The following SGF29 variants were observed in gnomAD, a reference collection of about 807,000 sequenced individuals.
The protein encoded by SGF29 is SAGA complex associated factor 29, also known as SAGA-associated factor 29.
SGF29 carries 15 observed loss-of-function variants against 38.1 expected under a neutral mutation model. The observed-to-expected ratio is 0.39, with a 90% CI of 0.26 to 0.61. The LOEUF (loss-of-function observed/expected upper bound fraction) is 0.61. SGF29 is among the 20% of genes least tolerant of loss of function. The pLI is 0.49. For missense variants in SGF29, 184 were observed against 394.6 expected, an observed-to-expected ratio of 0.47 and a Z score of 4.52; for synonymous variants, 151 against 160.8, an observed-to-expected ratio of 0.94 and a Z score of 0.46.
At chr16:28,556,227 T>G (rs751053828) in intron 1 of SGF29, among the ~76,000 whole-genome samples, 1 of 152,214 alleles carries the variant, frequency 6.6e-6, no homozygotes, top group Non-Finnish European at 1.5e-5. Flanking sequence ...CGGAGTATAG[T>G]GGTGCAATGT....
intron 1 of SGF29, among the ~76,000 whole-genome samples, chr16:28,558,272 AT>A (rs1186161802): frequency 0.011 from 1,504 of 135,450 alleles, 4 homozygotes; most frequent in South Asian, 0.016. Flanking sequence ...TGCCCAGCTA[AT>A]TTTTTTTTTT....
chr16:28,564,782 TATATAC>T (rs1281333159), intron 1 of SGF29, among the ~76,000 whole-genome samples: 146 of 116,462 alleles, frequency 1.3e-3, no homozygotes, highest in African/African-American at 4.4e-3. Context: ...TGTATATATA[TATATAC>T]ACACACACAC....
intron 1 of SGF29, among the ~76,000 whole-genome samples, chr16:28,562,328 C>T (rs764091002): frequency 7.9e-5 from 12 of 152,154 alleles, no homozygotes; most frequent in Non-Finnish European, 1.0e-4. Flanking sequence ...TTAAATAATT[C>T]ATCCAGGGTG....
chr16:28,580,515 G>A (rs1035907865), intron 1 of SGF29, among the ~76,000 whole-genome samples: 2 of 151,858 alleles, frequency 1.3e-5, no homozygotes, highest in Admixed American at 6.6e-5. Flanking sequence ...AGCTGTCCAA[G>A]TCCAGTCGCT....
At chr16:28,562,237 C>A (rs190012453) in intron 1 of SGF29, among the ~76,000 whole-genome samples, 2 of 152,162 alleles carry the variant, frequency 1.3e-5, no homozygotes, top group East Asian at 3.8e-4. Context: ...TGCTCTGGGC[C>A]GGCCACTGCC....
At position 28,562,008 on chromosome 16, in the gene SGF29, G is replaced by C. The variant is rs939381794; in HGVS notation, c.-16+7911G>C. Among the ~76,000 whole-genome samples, 15 of 152,326 alleles carry C rather than the reference G, an allele frequency of 9.8e-5. No individual in the cohort carries two copies. In the South Asian group the frequency reaches 1.7e-3, roughly 17 times the overall value. ...GCAGCACTTTGATGTAAAATCATAG[G>C]AAGAGCTTGTTCTCTCAGACAAGCC... On this transcript the variant is annotated intron_variant, in intron 1 of 9. Transcript: ENST00000317058.
intron 2 of SGF29, among the ~76,000 whole-genome samples, chr16:28,581,380 C>G (rs1470001442): frequency 6.6e-6 from 1 of 152,138 alleles, no homozygotes; most frequent in African/African-American, 2.4e-5. Context: ...AATTCACATG[C>G]CATACAACGC....
chr16:28,585,445 G>A, intron 3 of SGF29: 1 of 605,582 alleles, frequency 1.7e-6, no homozygotes, highest in Non-Finnish European at 3.0e-6. Context: ...CGCAGATGTA[G>A]GGATGGCATT....
At chr16:28,579,257 CTTTTTTTTT>C (rs570774951) in intron 1 of SGF29, among the ~76,000 whole-genome samples, 1 of 134,794 alleles carries the variant, frequency 7.4e-6, no homozygotes, top group Non-Finnish European at 1.6e-5. Flanking sequence ...TTCTAATTAT[CTTTTTTTTT>C]TTTTTTTTTT....
At chr16:28,588,621 A>G (rs993438519) in intron 4 of SGF29, 4 of 434,356 alleles carry the variant, frequency 9.2e-6, no homozygotes, top group Admixed American at 8.0e-5. Context: ...TTGGAGTGCA[A>G]TGACGCGATC....
At chr16:28,584,498 C>CA (rs1309860247) in intron 2 of SGF29, among the ~76,000 whole-genome samples, 2 of 147,354 alleles carry the variant, frequency 1.4e-5, no homozygotes, top group African/African-American at 5.0e-5. Context: ...ACTAAAAATA[C>CA]AAAAAATTAG....
chr16:28,584,986 AGAGT>A lies in SGF29; in HGVS notation c.151+3_151+6del. On this transcript the variant is annotated splice_donor_variant and coding_sequence_variant, in exon 3 of 10. Transcript: ENST00000317058. LOFTEE classifies it high-confidence loss of function. The stretch of plus-strand genomic sequence containing the variant: ...CATGAGCGGATGCAGACAGAGAACA[AGAGT>A]GAGTAGCTGGGCTCAGGAGAGAAAG... The A allele has an allele frequency of 6.2e-7, 1 of 1,613,572 alleles. No homozygotes were observed. Among genetic ancestry groups the A allele is most frequent in the Non-Finnish European group, 8.5e-7 (1 of 1,179,660 alleles).
intron 1 of SGF29, among the ~76,000 whole-genome samples, chr16:28,558,567 G>A (rs2151640749): frequency 6.6e-6 from 1 of 152,214 alleles, no homozygotes; most frequent in East Asian, 1.9e-4. Flanking sequence ...CCTGTTTATT[G>A]GTTTTGTTAA....
intron 1 of SGF29, among the ~76,000 whole-genome samples, chr16:28,564,578 C>CGTATATATATAT (rs1567285655): frequency 8.2e-5 from 9 of 109,496 alleles, no homozygotes; most frequent in Admixed American, 2.1e-4. Context: ...TATATATATA[C>CGTATATATATAT]ACGTATATAT....
At chr16:28,576,051 C>G (rs1328241672) in intron 1 of SGF29, among the ~76,000 whole-genome samples, 1 of 152,134 alleles carries the variant, frequency 6.6e-6, no homozygotes, top group Non-Finnish European at 1.5e-5. Context: ...ATGCACATTG[C>G]AGGTGGGAAT....
chr16:28,583,480 G>A (rs898674868), intron 2 of SGF29, among the ~76,000 whole-genome samples: 7 of 152,184 alleles, frequency 4.6e-5, no homozygotes, highest in African/African-American at 1.7e-4. Context: ...AGCTAGCTGT[G>A]TTCACTGTTA....
chr16:28,558,500 C>T (rs1229642949), intron 1 of SGF29, among the ~76,000 whole-genome samples: 1 of 152,102 alleles, frequency 6.6e-6, no homozygotes, highest in East Asian at 1.9e-4. Context: ...CTCAAGCAAT[C>T]CTCTGTACTT....
chr16:28,562,903 C>CAA (rs753973229), intron 1 of SGF29, among the ~76,000 whole-genome samples: 5,867 of 50,218 alleles, frequency 0.12, 567 homozygotes, highest in Non-Finnish European at 0.17. Flanking sequence ...GACCCTGTCT[C>CAA]AAAAAAAAAA....
At chr16:28,586,506 C>CAA (rs375050108) in intron 4 of SGF29, among the ~76,000 whole-genome samples, 32 of 92,448 alleles carry the variant, frequency 3.5e-4, no homozygotes, top group Non-Finnish European at 4.3e-4. Flanking sequence ...GGCTCTGCCT[C>CAA]AAAAAAAAAA....
Sources: gnomAD v4.1 joint callset for allele counts (sites outside exome capture counted in the v4.1 genomes callset) on GRCh38, gnomAD v4.1.1 for gene constraint, MANE v1.5 for transcripts, NCBI Gene and HGNC (gene_info 2026-07-23, HGNC 2026-07-21) for gene names.